The following SFI1 variants were observed in gnomAD, a reference collection of about 807,000 sequenced individuals.
The protein encoded by SFI1 is SFI1 centrin binding protein.
A neutral mutation model predicts 207.5 loss-of-function variants in SFI1; 195 were observed. The observed-to-expected ratio is 0.94, with a 90% CI of 0.84 to 1.06. SFI1 has a LOEUF of 1.06. Among genes scored for constraint, SFI1 ranks in the 50% least tolerant of loss-of-function variants. The pLI is 0.00. For missense variants in SFI1, 1,634 were observed against 1,588.0 expected (o/e 1.03, Z -0.49); for synonymous variants, 630 against 598.9 (o/e 1.05, Z -0.76).
At chr22:31,557,080 T>C (rs752189934) in intron 7 of SFI1, 21 bp downstream of exon 7, 36 of 1,472,084 alleles carry the variant, frequency 2.4e-5, no homozygotes, top group Non-Finnish European at 3.4e-5. Context: ...TCAACTGCCC[T>C]ACAAAGTACC....
intron 2 of SFI1, among the ~76,000 whole-genome samples, chr22:31,516,449 G>GT (rs2056513818): frequency 6.6e-6 from 1 of 151,748 alleles, no homozygotes; most frequent in Non-Finnish European, 1.5e-5. Flanking sequence ...TGAGGTGGGG[G>GT]TTACAGTGAG....
At chr22:31,569,225 G>A (rs911804369) in intron 8 of SFI1, among the ~76,000 whole-genome samples, 1 of 152,158 alleles carries the variant, frequency 6.6e-6, no homozygotes, top group African/African-American at 2.4e-5. Flanking sequence ...ATCACTAGGT[G>A]AGAGGATGGT....
chr22:31,567,057 C>T (rs1602884944), intron 8 of SFI1, among the ~76,000 whole-genome samples: 1 of 152,252 alleles, frequency 6.6e-6, no homozygotes, highest in East Asian at 1.9e-4. Context: ...AGGCACCTGC[C>T]ACCACGCCTG....
At chr22:31,533,263 C>G (rs1339329594) in intron 4 of SFI1, among the ~76,000 whole-genome samples, 1 of 152,110 alleles carries the variant, frequency 6.6e-6, no homozygotes, top group Non-Finnish European at 1.5e-5. Flanking sequence ...CGTGGTGGCT[C>G]CTGCCTGTAA....
rs186836078 is a variant in SFI1, at chr22:31,563,465, C to T, written c.765+2073C>T. 2.0e-5 allele frequency among the ~76,000 whole-genome samples: 3 copies of T among 152,218 alleles called. No individual in the cohort carries two copies. In the East Asian group the frequency reaches 5.8e-4, roughly 29 times the overall value. ...CATAATGAGACTGATTTTCTGTCAT[C>T]GGTGGACAACTGTGCTAGTTTTCTT... is the stretch of plus-strand genomic sequence containing the variant. On this transcript the variant is annotated intron_variant, in intron 8 of 32. Coordinates refer to ENST00000400288, the MANE Select transcript of SFI1 (RefSeq NM_001007467.3).
intron 2 of SFI1, among the ~76,000 whole-genome samples, chr22:31,526,141 T>C (rs2057883514): frequency 6.6e-6 from 1 of 152,186 alleles, no homozygotes; most frequent in Non-Finnish European, 1.5e-5. Flanking sequence ...TAGATAATCT[T>C]ATAGAAGCAA....
chr22:31,532,629 G>A (rs1405057091), intron 4 of SFI1, among the ~76,000 whole-genome samples: 1 of 152,088 alleles, frequency 6.6e-6, no homozygotes, highest in African/African-American at 2.4e-5. Context: ...TGGCCTGTGT[G>A]TGTTTTCTGA....
At position 31,604,960 on chromosome 22, in the gene SFI1, C is replaced by T. The variant is rs368746019; in HGVS notation, c.2054+15C>T. The T allele has an allele frequency of 6.3e-6, 10 of 1,583,274 alleles. No homozygotes were observed. Among genetic ancestry groups the T allele is most frequent in the South Asian group, 5.7e-5 (5 of 87,100 alleles). ...CAGCTGCTGCGGTGAGTCTCCCGGG[C>T]GCCTCCCAAGCTCCAGCTGGGGAAC... On this transcript the variant is annotated intron_variant, in intron 20 of 32. Coordinates refer to ENST00000400288, the MANE Select transcript of SFI1 (RefSeq NM_001007467.3).
chr22:31,499,983 T>G (rs1306646308), intron 1 of SFI1, among the ~76,000 whole-genome samples: 1 of 95,978 alleles, frequency 1.0e-5, no homozygotes, highest in Admixed American at 9.9e-5. Flanking sequence ...AGACTCCATC[T>G]TAAAAAAAAA....
chr22:31,557,180 T>C (rs1265912874), intron 7 of SFI1, 121 bp downstream of exon 7: 1 of 691,800 alleles, frequency 1.4e-6, no homozygotes, highest in African/African-American at 1.8e-5. Context: ...GTTTTATTTT[T>C]GTGTTTTGTT....
At chr22:31,541,113 CTG>C (rs758555378) in intron 4 of SFI1, among the ~76,000 whole-genome samples, 10 of 152,132 alleles carry the variant, frequency 6.6e-5, no homozygotes, top group Non-Finnish European at 1.5e-4. Flanking sequence ...GCAAACAGTC[CTG>C]TGTTTTCATC....
At position 31,607,869 on chromosome 22, in the gene SFI1, C is replaced by T; in HGVS notation, c.2158-68C>T. The stretch of plus-strand genomic sequence containing the variant: ...CTTGCCTCTCCAGGAGCCACCGTCA[C>T]AGACCTGGGGTGGACCCGGAAGCCA... On this transcript the variant is annotated intron_variant, in intron 21 of 32. Coordinates refer to ENST00000400288, the MANE Select transcript of SFI1 (RefSeq NM_001007467.3). The T allele has an allele frequency of 2.1e-6, 3 of 1,448,102 alleles. No individual in the cohort carries two copies. The Admixed American group carries it at 5.2e-5, about 25-fold the overall frequency. 89.7% of individuals were successfully genotyped at this position (1,448,102 alleles called of 1,614,324 possible).
rs1201513765 is a variant in SFI1, at chr22:31,553,836, A to AT, written c.545-3105dup. ...CCATTCTATTTTTTTTTAATGGATT[A>AT]TGTTTTTTTTTTTTTTTTTTTTTTT... On this transcript the variant is annotated intron_variant, in intron 6 of 32. Transcript: ENST00000400288. Among the ~76,000 whole-genome samples, 216 of 21,958 alleles carry AT rather than the reference A, an allele frequency of 9.8e-3. 6 individuals carry two copies. The highest frequency in any genetic ancestry group is 0.026 in the African/African-American group (193 of 7,318). The allele number at this position is 21,958 out of a possible 152,430, so 14.4% of individuals were successfully genotyped here.
Position 31,573,107 on chromosome 22 carries a change from A to C in SFI1, c.815A>C (p.Gln272Pro), listed in dbSNP as rs2063122824. 7 of 1,613,744 alleles carry C rather than the reference A, an allele frequency of 4.3e-6. No individual in the cohort carries two copies. The highest frequency in any genetic ancestry group is 3.3e-4 in the Middle Eastern group (2 of 6,084). The change falls in exon 9 of 33, where the codon CAA (glutamine) becomes CCA (proline). Residue 272 changes from glutamine to proline, a missense_variant. Physicochemically the swap from Gln to Pro is moderately conservative, Grantham distance 76. Transcript: ENST00000400288. ...EQLLYVQKEK[Q>P]KVVSAVKHHQ... ...CTCCTGTATGTCCAGAAGGAGAAAC[A>C]AAAGGTTGTCTCTGCAGTGAAACAT...
chr22:31,505,689 A>G (rs903939971), intron 1 of SFI1, among the ~76,000 whole-genome samples: 16 of 151,934 alleles, frequency 1.1e-4, no homozygotes, highest in African/African-American at 3.9e-4. Flanking sequence ...GTTTGAGACC[A>G]GCCTGAGCAA....
At chr22:31,505,088 G>T (rs1477622648) in intron 1 of SFI1, among the ~76,000 whole-genome samples, 2 of 152,080 alleles carry the variant, frequency 1.3e-5, no homozygotes, top group African/African-American at 4.8e-5. Context: ...AAAAAACTAT[G>T]CCATAATTTA....
At chr22:31,614,932 C>T (rs535345041) in intron 28 of SFI1, 72 bp downstream of exon 28, 1 of 1,583,730 alleles carries the variant, frequency 6.3e-7, no homozygotes, top group African/African-American at 1.3e-5. Flanking sequence ...CGGGCACCTC[C>T]ATGTGGGGCC....
In SFI1 at chr22:31,607,944, T is replaced by C; in HGVS notation, c.2165T>C (p.Val722Ala). 2 of 1,613,830 alleles carry C rather than the reference T, an allele frequency of 1.2e-6. No individual in the cohort carries two copies. The highest frequency in any genetic ancestry group is 1.7e-6 in the Non-Finnish European group (2 of 1,179,822). The stretch of plus-strand genomic sequence containing the variant: ...CTCCTTGCCTGCCCATAGGTCCTGG[T>C]CCAGTGGCGGGAAGCTGTGTCAGTG... Reference protein sequence around the residue: ...YRRTICSKVLVQWREAVSVQM... With the variant: ...YRRTICSKVLAQWREAVSVQM... Residue 722 changes from valine to alanine, a missense_variant, in exon 22 of 33, where the codon GTC becomes GCC. Physicochemically the swap from Val to Ala is moderately conservative, Grantham distance 64. Transcript: ENST00000400288.
chr22:31,537,046 C>CT (rs924984287), intron 4 of SFI1, among the ~76,000 whole-genome samples: 21 of 129,198 alleles, frequency 1.6e-4, no homozygotes, highest in East Asian at 9.8e-4. Context: ...GGATTTACTT[C>CT]TTTTTTTTTA....
Sources: allele counts gnomAD v4.1 joint callset (sites outside exome capture counted in the v4.1 genomes callset), GRCh38; gene constraint gnomAD v4.1.1; transcripts MANE v1.5; gene names NCBI Gene and HGNC (gene_info 2026-07-23, HGNC 2026-07-21).